Variants in CACNA2D1 observed in about 807,000 individuals in gnomAD.
CACNA2D1 encodes the protein calcium voltage-gated channel auxiliary subunit alpha2delta 1, also known as voltage-dependent calcium channel subunit alpha-2/delta-1.
A neutral mutation model predicts 171.5 loss-of-function variants in CACNA2D1; 53 were observed. The observed-to-expected ratio is 0.31, with a 90% confidence interval of 0.25 to 0.39. CACNA2D1 has a LOEUF of 0.39. CACNA2D1 is among the 10% of genes least tolerant of loss of function. The pLI is 1.00. For missense variants in CACNA2D1, 903 were observed against 1,299.8 expected, an observed-to-expected ratio of 0.69 and a Z score of 4.69; for synonymous variants, 442 against 443.1, an observed-to-expected ratio of 1.00 and a Z score of 0.03.
intron 5 of CACNA2D1, among the ~76,000 whole-genome samples, chr7:82,135,360 A>T (rs1431640908): frequency 2.0e-5 from 3 of 152,124 alleles, no homozygotes; most frequent in Non-Finnish European, 4.4e-5. Flanking sequence ...TAAACCATTA[A>T]AACATTTTGT....
intron 1 of CACNA2D1, among the ~76,000 whole-genome samples, chr7:82,398,257 A>G (rs1303038229): frequency 2.0e-5 from 3 of 152,226 alleles, no homozygotes; most frequent in Non-Finnish European, 1.5e-5. Context: ...CAATTTCTTC[A>G]TGATTTTTAT....
chr7:81,977,361 T>A (rs565463300), intron 24 of CACNA2D1, among the ~76,000 whole-genome samples: 101 of 152,228 alleles, frequency 6.6e-4, no homozygotes, highest in African/African-American at 2.4e-3. Flanking sequence ...AAGGCTACAG[T>A]AACCAAAACA....
intron 4 of CACNA2D1, among the ~76,000 whole-genome samples, chr7:82,142,761 C>G (rs1214046624): frequency 6.6e-6 from 1 of 152,164 alleles, no homozygotes; most frequent in Non-Finnish European, 1.5e-5. Context: ...ATTTTTATCA[C>G]TCCTGAGTTC....
chr7:81,995,458 AT>A (rs1399128523), intron 19 of CACNA2D1, among the ~76,000 whole-genome samples: 1 of 152,186 alleles, frequency 6.6e-6, no homozygotes, highest in Admixed American at 6.5e-5. Flanking sequence ...TGGATTTAGA[AT>A]AATAGAGTTG....
chr7:82,032,796 CT>C lies in CACNA2D1; in HGVS notation c.1143del (p.Val382TyrfsTer38). ...EIFNKYNKDK[K>X]VRVFTFSVGQ... ...TTTAAATATTATAAAATTACACTCA[CT>C]TTTTTATCTTTATTGTATTTGTTAA... On this transcript the variant is annotated frameshift_variant and splice_region_variant, in exon 12 of 39. Transcript: ENST00000356860. LOFTEE classifies it high-confidence loss of function. 6.8e-7 allele frequency: 1 copy of C among 1,472,364 alleles called. No individual in the cohort carries two copies. The highest frequency in any genetic ancestry group is 9.5e-7 in the Non-Finnish European group (1 of 1,057,674). 91.2% of individuals were successfully genotyped at this position (1,472,364 alleles called of 1,614,324 possible).
At chr7:82,242,454 A>G (rs1197143506) in intron 3 of CACNA2D1, among the ~76,000 whole-genome samples, 2 of 152,150 alleles carry the variant, frequency 1.3e-5, no homozygotes, top group African/African-American at 2.4e-5. Context: ...ACTTCACTAC[A>G]GCTATTTTAC....
At chr7:82,128,563 G>T (rs890246648) in intron 5 of CACNA2D1, among the ~76,000 whole-genome samples, 8 of 152,100 alleles carry the variant, frequency 5.3e-5, no homozygotes, top group Admixed American at 5.2e-4. Context: ...TTAAATACTT[G>T]TTTTACCTTG....
intron 1 of CACNA2D1, among the ~76,000 whole-genome samples, chr7:82,370,572 T>TGGATGGACGGATGGAC (rs1554528685): frequency 3.3e-5 from 5 of 151,056 alleles, no homozygotes; most frequent in African/African-American, 4.9e-5. Context: ...GATGGATGGA[T>TGGATGGACGGATGGAC]GGATGGATAG....
intron 3 of CACNA2D1, among the ~76,000 whole-genome samples, chr7:82,291,367 T>C (rs1811545632): frequency 7.6e-6 from 1 of 130,736 alleles, no homozygotes; most frequent in East Asian, 2.1e-4. Context: ...GATATATAGA[T>C]ATCTTTATAC....
At chr7:82,113,709 G>A (rs868191346) in intron 6 of CACNA2D1, among the ~76,000 whole-genome samples, 2 of 152,098 alleles carry the variant, frequency 1.3e-5, no homozygotes, top group Non-Finnish European at 2.9e-5. Flanking sequence ...CAGAAGCCGA[G>A]AACAATCCTC....
At chr7:81,974,692 C>T (rs1383384417) in intron 24 of CACNA2D1, 140 bp from the exon 25 acceptor site, 1 of 592,356 alleles carries the variant, frequency 1.7e-6, no homozygotes, top group African/African-American at 1.9e-5. Flanking sequence ...CTTCCATTTC[C>T]TCACTTCTAT....
intron 1 of CACNA2D1, among the ~76,000 whole-genome samples, chr7:82,418,821 A>AT (rs1828433551): frequency 6.6e-6 from 1 of 152,204 alleles, no homozygotes; most frequent in Admixed American, 6.5e-5. Context: ...AGAGCCACAT[A>AT]TAAGACTAAA....
At chr7:82,112,927 T>C (rs1352417314) in intron 6 of CACNA2D1, among the ~76,000 whole-genome samples, 1 of 152,168 alleles carries the variant, frequency 6.6e-6, no homozygotes, top group African/African-American at 2.4e-5. Context: ...GATTATTAGC[T>C]TAAATTACAA....
chr7:82,028,182 T>C (rs1802185334), intron 12 of CACNA2D1: 1 of 151,938 alleles, frequency 6.6e-6, no homozygotes, highest in East Asian at 1.9e-4. Flanking sequence ...GCCAGTGCTC[T>C]TTTACCATTC....
At chr7:82,003,047 T>G (rs1798766266) in intron 18 of CACNA2D1, among the ~76,000 whole-genome samples, 1 of 152,164 alleles carries the variant, frequency 6.6e-6, no homozygotes. Context: ...TTGTATTTGT[T>G]GATTTCTAAA....
intron 9 of CACNA2D1, among the ~76,000 whole-genome samples, chr7:82,061,747 C>G (rs943539476): frequency 3.3e-5 from 5 of 152,082 alleles, no homozygotes; most frequent in African/African-American, 9.7e-5. Context: ...TTTTCAAAGA[C>G]AGTTTGATGG....
intron 6 of CACNA2D1, among the ~76,000 whole-genome samples, chr7:82,098,639 A>T (rs190926719): frequency 2.6e-5 from 4 of 152,162 alleles, no homozygotes; most frequent in African/African-American, 9.7e-5. Context: ...CTTGATGATT[A>T]CATGGTCTTA....
intron 1 of CACNA2D1, among the ~76,000 whole-genome samples, chr7:82,364,478 T>C (rs7810031): frequency 0.089 from 13,584 of 152,188 alleles, 2,004 homozygotes; most frequent in African/African-American, 0.31. Context: ...ACTCTGTATG[T>C]AGTTTCTTGC....
chr7:82,084,706 C>G, intron 7 of CACNA2D1, 63 bp downstream of exon 7: 1 of 1,561,874 alleles, frequency 6.4e-7, no homozygotes, highest in Non-Finnish European at 8.8e-7. Flanking sequence ...GGGAAGATAA[C>G]AGAGTATTCT....
Sources: allele counts gnomAD v4.1 joint callset (sites outside exome capture counted in the v4.1 genomes callset), GRCh38; gene constraint gnomAD v4.1.1; transcripts MANE v1.5; gene names NCBI Gene and HGNC (gene_info 2026-07-23, HGNC 2026-07-21).